The following NAV3 variants were observed in gnomAD, a reference collection of about 807,000 sequenced individuals.
NAV3 encodes the protein neuron navigator 3.
In NAV3, 87 loss-of-function variants were observed where a neutral mutation model predicts 244.7. The observed-to-expected ratio is 0.36, with a 90% CI of 0.30 to 0.42. The LOEUF is 0.42. Among genes scored for constraint, NAV3 ranks in the 20% least tolerant of loss-of-function variants. The pLI is 1.00. For missense variants in NAV3, 2,663 were observed against 2,893.3 expected (o/e 0.92, Z 1.83); for synonymous variants, 1,126 against 1,042.2 (o/e 1.08, Z -1.55).
intron 2 of NAV3, among the ~76,000 whole-genome samples, chr12:77,688,295 A>G (rs1303519448): frequency 1.3e-5 from 2 of 152,052 alleles, no homozygotes; most frequent in African/African-American, 4.8e-5. Flanking sequence ...AGACACTTCA[A>G]AAAGACTACC....
At chr12:77,891,666 C>G (rs1883955428) in intron 1 of NAV3, among the ~76,000 whole-genome samples, 1 of 152,188 alleles carries the variant, frequency 6.6e-6, no homozygotes, top group Non-Finnish European at 1.5e-5. Flanking sequence ...GGGCTAATAA[C>G]TTAACAAACA....
chr12:78,071,015 G>A (rs879794735), intron 12 of NAV3, among the ~76,000 whole-genome samples: 30 of 149,948 alleles, frequency 2.0e-4, no homozygotes, highest in East Asian at 1.2e-3. Flanking sequence ...ATAAACATAC[G>A]TGTGCATGTG....
intron 7 of NAV3, among the ~76,000 whole-genome samples, chr12:78,002,894 G>T (rs991948068): frequency 6.6e-6 from 1 of 151,418 alleles, no homozygotes; most frequent in Admixed American, 6.6e-5. Context: ...AATAGACTTG[G>T]CCATATGTGT....
At chr12:77,863,225 T>TC (rs1174022127) in intron 1 of NAV3, among the ~76,000 whole-genome samples, 25 of 151,870 alleles carry the variant, frequency 1.6e-4, no homozygotes, top group African/African-American at 5.8e-4. Context: ...CTGCCATAGA[T>TC]ATGCGGATCA....
intron 12 of NAV3, among the ~76,000 whole-genome samples, chr12:78,103,381 A>C (rs1438198028): frequency 6.6e-6 from 1 of 151,930 alleles, no homozygotes; most frequent in African/African-American, 2.4e-5. Context: ...TGTTTATATC[A>C]CTATAAAAAT....
At chr12:78,142,671 ACATATATATGTG>A (rs59109821) in intron 20 of NAV3, among the ~76,000 whole-genome samples, 4,941 of 90,022 alleles carry the variant, frequency 0.055, 239 homozygotes, top group African/African-American at 0.086. Flanking sequence ...GTATATATAT[ACATATATATGTG>A]TATATATATA....
At chr12:77,739,339 C>A (rs1227760207) in intron 2 of NAV3, among the ~76,000 whole-genome samples, 1 of 152,054 alleles carries the variant, frequency 6.6e-6, no homozygotes, top group Admixed American at 6.6e-5. Flanking sequence ...TATATATTTT[C>A]TTAAAATAAA....
chr12:78,176,543 CT>C, intron 26 of NAV3, 84 bp downstream of exon 26: 4 of 1,218,188 alleles, frequency 3.3e-6, no homozygotes, highest in Non-Finnish European at 4.8e-6. Context: ...TGGCAGTAGG[CT>C]TTTATACCTT....
chr12:77,905,467 T>C (rs900173815), intron 1 of NAV3, among the ~76,000 whole-genome samples: 1 of 152,248 alleles, frequency 6.6e-6, no homozygotes, highest in South Asian at 2.1e-4. Context: ...CCCTCACTTA[T>C]AGGACTGTTG....
intron 8 of NAV3, among the ~76,000 whole-genome samples, chr12:78,019,972 G>A (rs1343465382): frequency 6.6e-6 from 1 of 152,168 alleles, no homozygotes; most frequent in African/African-American, 2.4e-5. Flanking sequence ...TCAGAGTAAA[G>A]TGCTGGGTTA....
At chr12:78,112,920 C>T (rs1955175239) in intron 12 of NAV3, among the ~76,000 whole-genome samples, 1 of 152,182 alleles carries the variant, frequency 6.6e-6, no homozygotes, top group African/African-American at 2.4e-5. Context: ...TTAGCTACTT[C>T]CTAGATACAA....
chr12:77,808,695 C>T (rs1275391370), intron 2 of NAV3, among the ~76,000 whole-genome samples: 1 of 152,190 alleles, frequency 6.6e-6, no homozygotes, highest in Non-Finnish European at 1.5e-5. Context: ...TAGCAGAGCT[C>T]CAGCACTCTG....
At chr12:77,672,907 T>C (rs1308327958) in intron 2 of NAV3, among the ~76,000 whole-genome samples, 1 of 152,260 alleles carries the variant, frequency 6.6e-6, no homozygotes, top group African/African-American at 2.4e-5. Context: ...TTTTGAAGGA[T>C]AGTAAGAGAT....
At chr12:78,000,707 G>T (rs1444043836) in intron 7 of NAV3, among the ~76,000 whole-genome samples, 1 of 149,594 alleles carries the variant, frequency 6.7e-6, no homozygotes, top group Admixed American at 6.7e-5. Context: ...GTTTCACCGT[G>T]TTAGCCAGGA....
At chr12:78,084,127 T>G (rs300478) in intron 12 of NAV3, among the ~76,000 whole-genome samples, 6,871 of 152,224 alleles carry the variant, frequency 0.045, 193 homozygotes, top group Admixed American at 0.067. Flanking sequence ...AAATCCTACA[T>G]TTCCCTGCTC....
chr12:77,639,830 A>T (rs1293295928), intron 2 of NAV3, among the ~76,000 whole-genome samples: 1 of 152,206 alleles, frequency 6.6e-6, no homozygotes, highest in Non-Finnish European at 1.5e-5. Flanking sequence ...GAAATGTGGC[A>T]CATGCACAGT....
At chr12:77,632,288 A>G (rs758296170) in intron 2 of NAV3, among the ~76,000 whole-genome samples, 9 of 152,194 alleles carry the variant, frequency 5.9e-5, no homozygotes, top group Non-Finnish European at 1.2e-4. Context: ...ACCAATCTGT[A>G]TTAGCCCGTT....
intron 9 of NAV3, among the ~76,000 whole-genome samples, chr12:78,025,363 C>T (rs1008004163): frequency 3.3e-5 from 5 of 151,796 alleles, no homozygotes; most frequent in South Asian, 2.1e-4. Context: ...TTTGGGAGGC[C>T]GAGGGGGTCA....
intron 1 of NAV3, among the ~76,000 whole-genome samples, chr12:77,899,566 A>C (rs1885016739): frequency 6.6e-6 from 1 of 152,248 alleles, no homozygotes. Flanking sequence ...ACTCATGCAC[A>C]CTTAATAGAC....
Sources: allele counts gnomAD v4.1 joint callset (sites outside exome capture counted in the v4.1 genomes callset), GRCh38; gene constraint gnomAD v4.1.1; transcripts MANE v1.5; gene names NCBI Gene and HGNC (gene_info 2026-07-23, HGNC 2026-07-21).